The following GTSE1 variants were observed in gnomAD, a reference collection of about 807,000 sequenced individuals.
GTSE1 encodes the protein G2 and S-phase expressed 1, also known as G2 and S phase-expressed protein 1.
In GTSE1, 52 loss-of-function variants were observed where a neutral mutation model predicts 60.5. The observed-to-expected ratio is 0.86, with a 90% CI of 0.69 to 1.08. The LOEUF is 1.08. Ranked by LOEUF, GTSE1 falls within the 50% of genes least tolerant of loss-of-function variation. The pLI is 0.00. For synonymous variants in GTSE1, 368 were observed against 386.5 expected (o/e 0.95, Z 0.56); for missense variants, 937 against 961.8 (o/e 0.97, Z 0.34).
At chr22:46,322,328 G>A (rs752249515) in intron 7 of GTSE1, among the ~76,000 whole-genome samples, 11 of 152,168 alleles carry the variant, frequency 7.2e-5, no homozygotes, top group Non-Finnish European at 1.5e-4. Context: ...TGGAGAAGAG[G>A]CCTCAGCTCC....
chr22:46,306,323 A>G lies in GTSE1; in HGVS notation c.80-1827A>G, dbSNP rs566460717. 2.1e-3 allele frequency among the ~76,000 whole-genome samples: 317 copies of G among 151,896 alleles called. 1 individual carries two copies. The highest frequency in any genetic ancestry group is 7.4e-3 in the African/African-American group (308 of 41,408). ...CAGCCTCCCGAGTAGCTGGGACTAC[A>G]GGCACCTGCCACCACGCCCGGCTAA... On this transcript the variant is annotated intron_variant, in intron 2 of 11. Transcript: ENST00000454366.
At position 46,329,387 on chromosome 22, in the gene GTSE1, A is replaced by C. The variant is rs1569049475; in HGVS notation, c.1956A>C (p.Pro652=). ...EALLVDIKLE[P]LAVTPDAASQ... ...TTCTTGTAGATATCAAACTGGAACC[A>C]CTCGCGGTCACTCCAGATGCTGCAA... The change falls in exon 11 of 12, where the codon CCA becomes CCC. Residue 652 remains proline, a synonymous_variant. Coordinates refer to ENST00000454366, the MANE Select transcript of GTSE1 (RefSeq NM_016426.7). The surrounding 1 kb of genome is among the most constrained non-coding windows in gnomAD (Gnocchi z 6.4). The C allele has an allele frequency of 6.2e-7, 1 of 1,613,990 alleles. No individual in the cohort carries two copies. The highest frequency in any genetic ancestry group is 8.5e-7 in the Non-Finnish European group (1 of 1,179,960).
rs944469879 is a variant in GTSE1 at position 46,310,521 on chromosome 22, C to G, written c.762+1578C>G. Among the ~76,000 whole-genome samples, 1 of 152,180 alleles carries G rather than the reference C, an allele frequency of 6.6e-6. No individual in the cohort carries two copies. Among genetic ancestry groups the G allele is most frequent in the Admixed American group, 6.5e-5 (1 of 15,280 alleles). On this transcript the variant is annotated intron_variant, in intron 4 of 11. Transcript: ENST00000454366. This position sits in a 1 kb window ranked among gnomAD's most constrained non-coding sequence, Gnocchi z 4.4. ...ACAGAAAAATCCACATGCAGATGTT[C>G]GAAGCAGCATTATTCATAACAGCCA... is the stretch of plus-strand genomic sequence containing the variant.
Position 46,329,178 on chromosome 22 carries a change from G to A in GTSE1, c.1927-180G>A. ...GGTGAGCGGGTATGGACAGGGAGGT[G>A]GGCAACAGTCAGAGAGGCACGGCCC... On this transcript the variant is annotated intron_variant, in intron 10 of 11. Transcript: ENST00000454366. This position sits in a 1 kb window ranked among gnomAD's most constrained non-coding sequence, Gnocchi z 6.4. The A allele has an allele frequency of 1.5e-6, 1 of 670,418 alleles. No homozygotes were observed. The allele number at this position is 670,418 out of a possible 1,614,324, so 41.5% of individuals were successfully genotyped here. A position where few individuals can be genotyped will look rare whatever the true frequency, so the allele number is the denominator to read the frequency against.
rs958648626 is a variant in GTSE1 at position 46,304,505 on chromosome 22, G to A, written c.80-3645G>A. The stretch of plus-strand genomic sequence containing the variant: ...GTATGTTGTATTTTATCATATGCCC[G>A]TTCAACATATGTGCAGACGATCATG... On this transcript the variant is annotated intron_variant, in intron 2 of 11. Coordinates refer to ENST00000454366, the MANE Select transcript of GTSE1 (RefSeq NM_016426.7). The surrounding 1 kb of genome is among the most constrained non-coding windows in gnomAD (Gnocchi z 4.4). 3.9e-5 allele frequency among the ~76,000 whole-genome samples: 6 copies of A among 152,058 alleles called. No homozygotes were observed. The highest frequency in any genetic ancestry group is 2.6e-4 in the Admixed American group (4 of 15,262).
At chr22:46,298,638 G>A (rs1165573528) in intron 2 of GTSE1, among the ~76,000 whole-genome samples, 2 of 152,140 alleles carry the variant, frequency 1.3e-5, no homozygotes, top group African/African-American at 4.8e-5. Context: ...CATTTTGCAG[G>A]AACTGTCCTG....
intron 7 of GTSE1, among the ~76,000 whole-genome samples, 197 bp from the exon 8 acceptor site, chr22:46,322,993 C>T (rs536749170): frequency 6.6e-6 from 1 of 152,302 alleles, no homozygotes; most frequent in East Asian, 1.9e-4. Context: ...CAGGGGTCCC[C>T]GTGTAGGGGT....
At position 46,320,926 on chromosome 22, in the gene GTSE1, C is replaced by T. The variant is rs1163936631; in HGVS notation, c.1433-2264C>T. On this transcript the variant is annotated intron_variant, in intron 7 of 11. Coordinates refer to ENST00000454366, the MANE Select transcript of GTSE1 (RefSeq NM_016426.7). The surrounding 1 kb of genome is among the most constrained non-coding windows in gnomAD (Gnocchi z 7.1). The stretch of plus-strand genomic sequence containing the variant: ...CATAAGAATGACCTTCCCGTGCCAC[C>T]ATGGAAGCTGCTGAAGAGTGCGCTC... Among the ~76,000 whole-genome samples, 1 of 152,004 alleles carries T rather than the reference C, an allele frequency of 6.6e-6. No individual in the cohort carries two copies. Among genetic ancestry groups the T allele is most frequent in the Non-Finnish European group, 1.5e-5 (1 of 68,000 alleles).
chr22:46,300,243 A>G (rs576683380), intron 2 of GTSE1, among the ~76,000 whole-genome samples: 1 of 152,138 alleles, frequency 6.6e-6, no homozygotes. Context: ...GATTAAAGGC[A>G]TGAGCCACCG....
chr22:46,327,817 T>G (rs1209619379), intron 9 of GTSE1, among the ~76,000 whole-genome samples: 2 of 152,244 alleles, frequency 1.3e-5, no homozygotes, highest in Non-Finnish European at 2.9e-5. Flanking sequence ...TGTAGTTCTA[T>G]GATAATGCAG....
chr22:46,320,765 C>G lies in GTSE1; in HGVS notation c.1433-2425C>G, dbSNP rs185966515. 6.6e-6 allele frequency among the ~76,000 whole-genome samples: 1 copy of G among 152,156 alleles called. No homozygotes were observed. Among genetic ancestry groups the G allele is most frequent in the Admixed American group, 6.5e-5 (1 of 15,282 alleles). On this transcript the variant is annotated intron_variant, in intron 7 of 11. Transcript: ENST00000454366. This position sits in a 1 kb window ranked among gnomAD's most constrained non-coding sequence, Gnocchi z 7.1. ...ATTCTGGCTGTGGGCTTTGCCTCCCCGGTACTGGGAGCTGCAGTGGAGACG... is the reference window on the plus strand; with the variant it reads ...ATTCTGGCTGTGGGCTTTGCCTCCCGGGTACTGGGAGCTGCAGTGGAGACG...
chr22:46,329,644 C>T lies in GTSE1; in HGVS notation c.2136+77C>T, dbSNP rs1327711685. 2 of 1,131,438 alleles carry T rather than the reference C, an allele frequency of 1.8e-6. No homozygotes were observed. The highest frequency in any genetic ancestry group is 3.1e-5 in the African/African-American group (2 of 65,422). The allele number at this position is 1,131,438 out of a possible 1,614,324, so 70.1% of individuals were successfully genotyped here. On this transcript the variant is annotated intron_variant, in intron 11 of 11. Transcript: ENST00000454366. The surrounding 1 kb of genome is among the most constrained non-coding windows in gnomAD (Gnocchi z 6.4). The stretch of plus-strand genomic sequence containing the variant: ...CTGGGATTGTTCATCCTCCCAGGGC[C>T]ATCGTGGGACCCTTGAGAGTGGCTG...
Position 46,313,796 on chromosome 22 carries a change from C to G in GTSE1, c.928-94C>G. On this transcript the variant is annotated intron_variant, in intron 5 of 11. Coordinates refer to ENST00000454366, the MANE Select transcript of GTSE1 (RefSeq NM_016426.7). The surrounding 1 kb of genome is among the most constrained non-coding windows in gnomAD (Gnocchi z 4.4). ...TGCTGGGATTACAGGCGTGAGCCAC[C>G]GTGCCCAGCCAAAAACCCCTTACTT... 1 of 1,421,936 alleles carries G rather than the reference C, an allele frequency of 7.0e-7. No individual in the cohort carries two copies. Among genetic ancestry groups the G allele is most frequent in the Non-Finnish European group, 9.8e-7 (1 of 1,021,128 alleles). The allele number at this position is 1,421,936 out of a possible 1,614,324, so 88.1% of individuals were successfully genotyped here. A position where few individuals can be genotyped will look rare whatever the true frequency, so the allele number is the denominator to read the frequency against.
rs2147824352 is a variant in GTSE1, at chr22:46,316,463, G to A, written c.1432+51G>A. The stretch of plus-strand genomic sequence containing the variant: ...GTCTTTAAAAAATACTGAAGAAATT[G>A]CATTTAAAGTTTTAAACAATTATTG... On this transcript the variant is annotated intron_variant, in intron 7 of 11. Coordinates refer to ENST00000454366, the MANE Select transcript of GTSE1 (RefSeq NM_016426.7). This position sits in a 1 kb window ranked among gnomAD's most constrained non-coding sequence, Gnocchi z 5.0. The A allele has an allele frequency of 1.7e-6, 2 of 1,196,642 alleles. No homozygotes were observed. Among genetic ancestry groups the A allele is most frequent in the East Asian group, 4.8e-5 (2 of 41,748 alleles). 74.1% of individuals were successfully genotyped at this position (1,196,642 alleles called of 1,614,324 possible).
At position 46,308,729 on chromosome 22, in the gene GTSE1, T is replaced by C. The variant is rs753240292; in HGVS notation, c.548T>C (p.Leu183Pro). ...GGGCCCCCTGTGGGTGAGCCTCGGCTCTTGGCCTCCTCCCCGGCCCTGCCC... is the reference window on the plus strand; with the variant it reads ...GGGCCCCCTGTGGGTGAGCCTCGGCCCTTGGCCTCCTCCCCGGCCCTGCCC... ...LLGPPVGEPR[L>P]LASSPALPSS... The change falls in exon 4 of 12, where the codon CTC (leucine) becomes CCC (proline). Residue 183 changes from leucine to proline, a missense_variant. Coordinates refer to ENST00000454366, the MANE Select transcript of GTSE1 (RefSeq NM_016426.7). The C allele has an allele frequency of 1.1e-4, 177 of 1,613,408 alleles. No individual in the cohort carries two copies. Among genetic ancestry groups the C allele is most frequent in the Non-Finnish European group, 1.5e-4 (173 of 1,180,034 alleles).
At position 46,323,279 on chromosome 22, in the gene GTSE1, C is replaced by T. The variant is rs1039652626; in HGVS notation, c.1505+17C>T. On this transcript the variant is annotated intron_variant, in intron 8 of 11. Transcript: ENST00000454366. The stretch of plus-strand genomic sequence containing the variant: ...AGTTGGCAGGTGAGTGACGTTGGTC[C>T]GCTTCCTCTCTTTATTGCTGTAGAA... 8 of 1,584,046 alleles carry T rather than the reference C, an allele frequency of 5.1e-6. No individual in the cohort carries two copies. The highest frequency in any genetic ancestry group is 1.7e-5 in the Admixed American group (1 of 59,990).
chr22:46,304,524 G>A lies in GTSE1; in HGVS notation c.80-3626G>A, dbSNP rs968585484. ...ATGCCCGTTCAACATATGTGCAGAC[G>A]ATCATGGTTTTCTCTTTAGCTCTAG... On this transcript the variant is annotated intron_variant, in intron 2 of 11. Coordinates refer to ENST00000454366, the MANE Select transcript of GTSE1 (RefSeq NM_016426.7). The surrounding 1 kb of genome is among the most constrained non-coding windows in gnomAD (Gnocchi z 4.4). 1.3e-5 allele frequency among the ~76,000 whole-genome samples: 2 copies of A among 152,128 alleles called. No homozygotes were observed. Among genetic ancestry groups the A allele is most frequent in the African/African-American group, 2.4e-5 (1 of 41,428 alleles).
rs909397384 is a variant in GTSE1 at position 46,324,392 on chromosome 22, G to C, written c.1505+1130G>C. Among the ~76,000 whole-genome samples, 2 of 151,766 alleles carry C rather than the reference G, an allele frequency of 1.3e-5. No individual in the cohort carries two copies. Among genetic ancestry groups the C allele is most frequent in the African/African-American group, 4.8e-5 (2 of 41,322 alleles). The stretch of plus-strand genomic sequence containing the variant: ...TTTTCTTTTCTTTTTTTTTGAGACA[G>C]AGTCTCACTCTGTCACCCAGGCTGG... On this transcript the variant is annotated intron_variant, in intron 8 of 11. Transcript: ENST00000454366. The surrounding 1 kb of genome is among the most constrained non-coding windows in gnomAD (Gnocchi z 5.2).
chr22:46,329,688 A>C lies in GTSE1; in HGVS notation c.2136+121A>C. On this transcript the variant is annotated intron_variant, in intron 11 of 11. Transcript: ENST00000454366. The surrounding 1 kb of genome is among the most constrained non-coding windows in gnomAD (Gnocchi z 6.4). ...GTGGCTGTTGAGTCTTCTCAGCTAC[A>C]CACCTCAGGGCAGGATGCACCTTTG... 1 of 774,266 alleles carries C rather than the reference A, an allele frequency of 1.3e-6. No homozygotes were observed. Among genetic ancestry groups the C allele is most frequent in the South Asian group, 1.5e-5 (1 of 65,374 alleles). 48.0% of individuals were successfully genotyped at this position (774,266 alleles called of 1,614,324 possible). A position where few individuals can be genotyped will look rare whatever the true frequency, so the allele number is the denominator to read the frequency against.
Sources: allele counts gnomAD v4.1 joint callset (sites outside exome capture counted in the v4.1 genomes callset), GRCh38; gene constraint gnomAD v4.1.1; non-coding constraint Gnocchi (gnomAD v3.1); transcripts MANE v1.5; gene names NCBI Gene and HGNC (gene_info 2026-07-23, HGNC 2026-07-21).